The following RHBDD1 variants were observed in gnomAD, a reference collection of about 807,000 sequenced individuals.
RHBDD1 encodes rhomboid domain containing 1.
RHBDD1 carries 38 observed loss-of-function variants against 36.3 expected under a neutral mutation model. The observed-to-expected ratio is 1.05, with a 90% CI of 0.81 to 1.37. The LOEUF (loss-of-function observed/expected upper bound fraction) is 1.37. Ranked by LOEUF, RHBDD1 falls within the 40% of genes most tolerant of loss-of-function variation. The pLI is 0.00. For missense variants in RHBDD1, 393 were observed against 377.6 expected, an observed-to-expected ratio of 1.04 and a Z score of -0.34; for synonymous variants, 151 against 136.5, an observed-to-expected ratio of 1.11 and a Z score of -0.74.
At chr2:226,988,280 A>C (rs1381561568) in intron 8 of RHBDD1, 1 of 1,520,542 alleles carries the variant, frequency 6.6e-7, no homozygotes, top group Non-Finnish European at 8.8e-7. Context: ...GGCCACTGTA[A>C]GTCTCTTCCC....
chr2:226,831,716 T>C (rs1940744799), upstream of RHBDD1, among the ~76,000 whole-genome samples: 1 of 152,188 alleles, frequency 6.6e-6, no homozygotes. Context: ...TTTTTTTTTT[T>C]TTTACAACCA....
At chr2:226,850,100 GT>G (rs1942662225) in intron 3 of RHBDD1, among the ~76,000 whole-genome samples, 1 of 152,190 alleles carries the variant, frequency 6.6e-6, no homozygotes, top group Non-Finnish European at 1.5e-5. Flanking sequence ...TGTTAAGGAC[GT>G]GCTAACTGAA....
intron 5 of RHBDD1, among the ~76,000 whole-genome samples, chr2:226,892,689 G>T (rs73992266): frequency 0.014 from 2,159 of 152,242 alleles, 60 homozygotes; most frequent in African/African-American, 0.05. Flanking sequence ...GTGTAGTCTT[G>T]CCTACTCTCG....
chr2:226,870,490 C>T (rs925582596), intron 5 of RHBDD1, among the ~76,000 whole-genome samples: 4 of 152,114 alleles, frequency 2.6e-5, no homozygotes, highest in African/African-American at 9.7e-5. Flanking sequence ...CTAAAAATGC[C>T]CATAAGCCAC....
chr2:226,813,336 C>CT, the RHBDD1 span, among the ~76,000 whole-genome samples: 1 of 152,198 alleles, frequency 6.6e-6, no homozygotes, highest in Middle Eastern at 3.2e-3. Flanking sequence ...GTTTCTCTCT[C>CT]CAGCAGTGGG....
chr2:226,827,088 G>T, the RHBDD1 span, among the ~76,000 whole-genome samples: 1 of 152,186 alleles, frequency 6.6e-6, no homozygotes, highest in East Asian at 1.9e-4. Context: ...CCTCTTAGTA[G>T]CTGGGACCAC....
At chr2:226,907,320 G>GCGGT (rs1355222608) in intron 6 of RHBDD1, among the ~76,000 whole-genome samples, 8 of 152,198 alleles carry the variant, frequency 5.3e-5, no homozygotes, top group African/African-American at 1.9e-4. Context: ...ACTGATGACC[G>GCGGT]GGTCCTTGGT....
chr2:226,957,573 A>G (rs1951863584), intron 8 of RHBDD1, among the ~76,000 whole-genome samples: 1 of 151,796 alleles, frequency 6.6e-6, no homozygotes, highest in African/African-American at 2.4e-5. Flanking sequence ...CCCCACCCAA[A>G]AAAAAAAGAA....
At chr2:226,820,543 C>T in the RHBDD1 span, among the ~76,000 whole-genome samples, 1 of 148,378 alleles carries the variant, frequency 6.7e-6, no homozygotes, top group South Asian at 2.1e-4. Flanking sequence ...TGCAGTGGCT[C>T]ATGCCTGTAA....
chr2:226,907,970 G>A (rs1392960350), intron 6 of RHBDD1, among the ~76,000 whole-genome samples: 1 of 152,104 alleles, frequency 6.6e-6, no homozygotes, highest in Admixed American at 6.5e-5. Flanking sequence ...TGATGAAGCG[G>A]TTAGTAAAGC....
At chr2:226,849,340 G>A (rs952708706) in intron 3 of RHBDD1, among the ~76,000 whole-genome samples, 4 of 152,246 alleles carry the variant, frequency 2.6e-5, no homozygotes, top group African/African-American at 7.2e-5. Flanking sequence ...TACTGGCACC[G>A]GTGGAGCGAG....
chr2:226,897,947 C>G (rs1022414393), intron 5 of RHBDD1, among the ~76,000 whole-genome samples: 2 of 152,080 alleles, frequency 1.3e-5, no homozygotes, highest in African/African-American at 4.8e-5. Flanking sequence ...CCATTGTACT[C>G]CAGCCTAGGC....
At chr2:226,852,747 G>T (rs538874429) in intron 3 of RHBDD1, among the ~76,000 whole-genome samples, 1 of 151,852 alleles carries the variant, frequency 6.6e-6, no homozygotes, top group Non-Finnish European at 1.5e-5. Context: ...CTTTTAGTAA[G>T]ATCTTATTTT....
At position 226,901,651 on chromosome 2, in the gene RHBDD1, A is replaced by T. The variant is rs181319258; in HGVS notation, c.567-5142A>T. On this transcript the variant is annotated intron_variant, in intron 5 of 8. Transcript: ENST00000392062. Reference sequence around the variant, plus strand: ...GATTAGTGATGTTGAGCAGCTTTTCATGTACCTGTTGCCCATTCATATCAA... The same window carrying T: ...GATTAGTGATGTTGAGCAGCTTTTCTTGTACCTGTTGCCCATTCATATCAA... 2.0e-4 allele frequency among the ~76,000 whole-genome samples: 30 copies of T among 152,242 alleles called. No individual in the cohort carries two copies. The East Asian group carries it at 3.5e-3, about 18-fold the overall frequency.
chr2:226,897,975 G>A (rs903934308), intron 5 of RHBDD1, among the ~76,000 whole-genome samples: 3 of 151,134 alleles, frequency 2.0e-5, no homozygotes, highest in Admixed American at 6.6e-5. Context: ...GCAAAACTCC[G>A]TCTCAAAAAA....
chr2:226,894,639 G>T (rs1357260425), intron 5 of RHBDD1, among the ~76,000 whole-genome samples: 1 of 152,140 alleles, frequency 6.6e-6, no homozygotes, highest in Non-Finnish European at 1.5e-5. Context: ...ATGTTGACTT[G>T]TGATTGTGTG....
At chr2:226,852,877 G>T (rs1942951436) in intron 3 of RHBDD1, among the ~76,000 whole-genome samples, 1 of 149,464 alleles carries the variant, frequency 6.7e-6, no homozygotes, top group South Asian at 2.1e-4. Context: ...AGGATTATAG[G>T]TGTGTGCCAC....
chr2:226,908,926 A>T (rs750699274), intron 7 of RHBDD1, 48 bp downstream of exon 7: 1 of 1,208,212 alleles, frequency 8.3e-7, no homozygotes, highest in Non-Finnish European at 1.2e-6. Context: ...TTTTAAAATT[A>T]TAGTGTTCAG....
chr2:226,949,298 A>C (rs561281460), intron 8 of RHBDD1, among the ~76,000 whole-genome samples: 2 of 152,346 alleles, frequency 1.3e-5, no homozygotes, highest in African/African-American at 4.8e-5. Context: ...ACCAAAAAAG[A>C]GTCTGTATAG....
Sources: allele counts gnomAD v4.1 joint callset (sites outside exome capture counted in the v4.1 genomes callset), GRCh38; gene constraint gnomAD v4.1.1; transcripts MANE v1.5; gene names NCBI Gene and HGNC (gene_info 2026-07-23, HGNC 2026-07-21).